ERBB4: variants seen among roughly 807,000 people sequenced by gnomAD.
The protein encoded by ERBB4 is erb-b2 receptor tyrosine kinase 4.
A neutral mutation model predicts 158.0 loss-of-function variants in ERBB4; 42 were observed. That is an observed-to-expected ratio of 0.27 (90% CI 0.21 to 0.34). The LOEUF is 0.34. Ranked by LOEUF, ERBB4 falls within the 10% of genes least tolerant of loss-of-function variation. The probability of loss-of-function intolerance (pLI) is 1.00; values close to 1 mark genes in which losing one functional copy is unlikely to be tolerated. For synonymous variants in ERBB4, 583 were observed against 558.7 expected (o/e 1.04, Z -0.61); for missense variants, 1,333 against 1,624.1 (o/e 0.82, Z 3.08).
intron 16 of ERBB4, among the ~76,000 whole-genome samples, chr2:211,651,312 G>A (rs1421436490): frequency 6.6e-6 from 1 of 152,098 alleles, no homozygotes; most frequent in Non-Finnish European, 1.5e-5. Context: ...AAAGTTGCAT[G>A]ACACACAGAA....
chr2:211,534,583 T>C (rs1244031322), intron 20 of ERBB4, among the ~76,000 whole-genome samples: 1 of 152,084 alleles, frequency 6.6e-6, no homozygotes, highest in East Asian at 1.9e-4. Flanking sequence ...AGTGGTCTTT[T>C]TGCCATAGCC....
chr2:212,431,816 T>C (rs2092036675), intron 1 of ERBB4, among the ~76,000 whole-genome samples: 1 of 152,252 alleles, frequency 6.6e-6, no homozygotes, highest in South Asian at 2.1e-4. Context: ...TTCACTTCCC[T>C]CAGATCTTTA....
intron 1 of ERBB4, among the ~76,000 whole-genome samples, chr2:212,462,354 A>G (rs1407714532): frequency 6.6e-6 from 1 of 152,232 alleles, no homozygotes; most frequent in Non-Finnish European, 1.5e-5. Flanking sequence ...CAAACTATTC[A>G]TCTGTCAGGG....
intron 1 of ERBB4, among the ~76,000 whole-genome samples, chr2:212,446,591 G>GTGTATATATATATATATA (rs2092355369): frequency 7.3e-5 from 2 of 27,518 alleles, no homozygotes; most frequent in East Asian, 1.1e-3. Flanking sequence ...ATATATATAT[G>GTGTATATATATATATATA]TATATATATA....
At chr2:211,421,733 ATAAG>A (rs2063518592) in intron 24 of ERBB4, among the ~76,000 whole-genome samples, 1 of 144,218 alleles carries the variant, frequency 6.9e-6, no homozygotes. Flanking sequence ...AGGTGCTAAA[ATAAG>A]TGTCTGAGGA....
intron 20 of ERBB4, among the ~76,000 whole-genome samples, chr2:211,453,645 T>C (rs996064148): frequency 6.6e-6 from 1 of 152,182 alleles, no homozygotes; most frequent in African/African-American, 2.4e-5. Context: ...CGTAACTCCA[T>C]AGACATGTGT....
At chr2:212,449,074 A>C (rs1472143190) in intron 1 of ERBB4, among the ~76,000 whole-genome samples, 1 of 152,110 alleles carries the variant, frequency 6.6e-6, no homozygotes, top group Non-Finnish European at 1.5e-5. Flanking sequence ...GTTTCTTTTA[A>C]TAGAAGTGTG....
intron 1 of ERBB4, among the ~76,000 whole-genome samples, chr2:212,424,016 A>T (rs1337155849): frequency 6.6e-6 from 1 of 152,206 alleles, no homozygotes; most frequent in East Asian, 1.9e-4. Context: ...TCTAAAATAC[A>T]ATCTACAATT....
At position 212,525,250 on chromosome 2, in the gene ERBB4, T is replaced by C. The variant is rs558621753; in HGVS notation, c.82+13199A>G. Among the ~76,000 whole-genome samples, 4 of 152,062 alleles carry C rather than the reference T, an allele frequency of 2.6e-5. No homozygotes were observed. The South Asian group carries it at 6.2e-4, about 24-fold the overall frequency. On this transcript the variant is annotated intron_variant, in intron 1 of 27. Coordinates refer to ENST00000342788, the MANE Select transcript of ERBB4 (RefSeq NM_005235.3). ...TTTCATATATTTGAGTAGAAAAGCA[T>C]TGGAAAACATTTCACCTTGACTGGT...
chr2:211,966,125 G>A (rs1373659098), intron 2 of ERBB4, among the ~76,000 whole-genome samples: 2 of 152,084 alleles, frequency 1.3e-5, no homozygotes, highest in African/African-American at 4.8e-5. Flanking sequence ...GAGGTGGAAG[G>A]ACTGCATGAG....
intron 3 of ERBB4, among the ~76,000 whole-genome samples, chr2:211,878,980 G>A (rs2078590300): frequency 1.3e-5 from 2 of 152,102 alleles, no homozygotes; most frequent in African/African-American, 2.4e-5. Flanking sequence ...GCTTTTACAT[G>A]TGTTGATTTA....
chr2:211,760,445 A>T (rs966647091), intron 4 of ERBB4, among the ~76,000 whole-genome samples: 2 of 152,248 alleles, frequency 1.3e-5, no homozygotes, highest in Non-Finnish European at 2.9e-5. Context: ...GAGAATAATC[A>T]TTCAGATTTA....
intron 2 of ERBB4, among the ~76,000 whole-genome samples, chr2:211,966,572 T>A (rs1175880232): frequency 1.3e-5 from 2 of 152,164 alleles, no homozygotes; most frequent in Non-Finnish European, 2.9e-5. Flanking sequence ...ATGAAAAAGA[T>A]TAACTATCTC....
rs540150799 is a variant in ERBB4 at position 212,334,069 on chromosome 2, T to G, written c.82+204380A>C. ...ATAATTCTAAAAAATCTTCAAATAT[T>G]GGTACATGCAGATATAGCATATATA... On this transcript the variant is annotated intron_variant, in intron 1 of 27. Transcript: ENST00000342788. 4.6e-5 allele frequency among the ~76,000 whole-genome samples: 7 copies of G among 152,168 alleles called. No homozygotes were observed. In the South Asian group the frequency reaches 1.5e-3, roughly 32 times the overall value.
intron 1 of ERBB4, among the ~76,000 whole-genome samples, chr2:212,130,590 T>G (rs1575676556): frequency 6.6e-6 from 1 of 152,144 alleles, no homozygotes; most frequent in East Asian, 1.9e-4. Context: ...TTGTTCTGGC[T>G]ATGAAATCAG....
chr2:211,895,390 T>C (rs1278243095), intron 3 of ERBB4, among the ~76,000 whole-genome samples: 1 of 152,182 alleles, frequency 6.6e-6, no homozygotes, highest in Non-Finnish European at 1.5e-5. Context: ...CCCAAGTAGC[T>C]GGTACTACAG....
intron 1 of ERBB4, among the ~76,000 whole-genome samples, chr2:212,339,962 C>T (rs1288929711): frequency 6.6e-6 from 1 of 152,034 alleles, no homozygotes; most frequent in Non-Finnish European, 1.5e-5. Flanking sequence ...AATGATGATG[C>T]TGTCCTACTA....
chr2:211,423,285 T>C (rs2063550357), intron 23 of ERBB4, among the ~76,000 whole-genome samples: 1 of 151,984 alleles, frequency 6.6e-6, no homozygotes, highest in African/African-American at 2.4e-5. Context: ...CCTCCCTCAC[T>C]GTCAGAATGT....
At chr2:211,437,747 G>A (rs1290951831) in intron 20 of ERBB4, among the ~76,000 whole-genome samples, 1 of 136,516 alleles carries the variant, frequency 7.3e-6, no homozygotes, top group Non-Finnish European at 1.6e-5. Context: ...TAGCAAGAGA[G>A]CATTTTTTTT....
Sources: allele counts gnomAD v4.1 joint callset (sites outside exome capture counted in the v4.1 genomes callset), GRCh38; gene constraint gnomAD v4.1.1; transcripts MANE v1.5; gene names NCBI Gene and HGNC (gene_info 2026-07-23, HGNC 2026-07-21).